Variants in DOK6 observed in about 807,000 individuals in gnomAD.
The protein encoded by DOK6 is docking protein 6.
Under a neutral mutation model 44.0 loss-of-function variants are expected in DOK6, and 22 were observed. The observed-to-expected ratio is 0.50, with a 90% confidence interval of 0.36 to 0.71. The LOEUF (loss-of-function observed/expected upper bound fraction) is 0.71. Ranked by LOEUF, DOK6 falls within the 30% of genes least tolerant of loss-of-function variation. The pLI, the probability that DOK6 is intolerant of heterozygous loss-of-function variation, is 0.00. For missense variants in DOK6, 340 were observed against 416.4 expected, an observed-to-expected ratio of 0.82 and a Z score of 1.60; for synonymous variants, 166 against 145.5, an observed-to-expected ratio of 1.14 and a Z score of -1.01.
chr18:69,510,127 C>T (rs1385640109), intron 1 of DOK6, among the ~76,000 whole-genome samples: 1 of 152,170 alleles, frequency 6.6e-6, no homozygotes, highest in Admixed American at 6.5e-5. Flanking sequence ...ATTTTAAAGT[C>T]ATTTTGGCTA....
At chr18:69,531,542 G>T (rs778746079) in intron 1 of DOK6, among the ~76,000 whole-genome samples, 2 of 151,548 alleles carry the variant, frequency 1.3e-5, no homozygotes, top group African/African-American at 4.8e-5. Context: ...AATGAAGGAC[G>T]TGAACAGCCA....
At chr18:69,675,170 T>C (rs1985891975) in intron 3 of DOK6, among the ~76,000 whole-genome samples, 1 of 152,192 alleles carries the variant, frequency 6.6e-6, no homozygotes, top group African/African-American at 2.4e-5. Context: ...TTACAGAAAT[T>C]CTGCATTTAG....
chr18:69,574,711 C>T (rs1983197495), intron 2 of DOK6, among the ~76,000 whole-genome samples: 1 of 151,968 alleles, frequency 6.6e-6, no homozygotes, highest in Non-Finnish European at 1.5e-5. Flanking sequence ...AAATACCTTA[C>T]TATGAGTTTA....
chr18:69,553,059 A>T (rs1279307460), intron 1 of DOK6, among the ~76,000 whole-genome samples: 3 of 152,248 alleles, frequency 2.0e-5, no homozygotes, highest in Non-Finnish European at 4.4e-5. Flanking sequence ...TAAGATTAGA[A>T]ACCATAATGT....
intron 1 of DOK6, among the ~76,000 whole-genome samples, chr18:69,462,305 A>G (rs1979810514): frequency 6.6e-6 from 1 of 152,158 alleles, no homozygotes; most frequent in Non-Finnish European, 1.5e-5. Flanking sequence ...CTATTCACTA[A>G]CCACTGATTA....
intron 1 of DOK6, among the ~76,000 whole-genome samples, chr18:69,535,202 A>G (rs1982089529): frequency 6.6e-6 from 1 of 152,102 alleles, no homozygotes; most frequent in African/African-American, 2.4e-5. Context: ...TCATTTCCTT[A>G]GATCTTTCAA....
chr18:69,433,962 C>T (rs1209129330), intron 1 of DOK6, among the ~76,000 whole-genome samples: 1 of 152,212 alleles, frequency 6.6e-6, no homozygotes, highest in African/African-American at 2.4e-5. Context: ...CATGTACTAA[C>T]TTTATAGCCT....
At chr18:69,564,397 A>G (rs1982919510) in intron 1 of DOK6, 90 bp from the exon 2 acceptor site, 1 of 1,041,580 alleles carries the variant, frequency 9.6e-7, no homozygotes, top group African/African-American at 1.6e-5. Context: ...TCTCTGAAGT[A>G]CACTTAAAAA....
At chr18:69,809,934 A>C (rs1206374073) in intron 7 of DOK6, among the ~76,000 whole-genome samples, 1 of 151,984 alleles carries the variant, frequency 6.6e-6, no homozygotes, top group Non-Finnish European at 1.5e-5. Context: ...ACTCAATGCC[A>C]TATCTATCAA....
chr18:69,780,382 A>G (rs1440686711), intron 7 of DOK6, among the ~76,000 whole-genome samples: 1 of 152,200 alleles, frequency 6.6e-6, no homozygotes, highest in Admixed American at 6.5e-5. Flanking sequence ...ACTTGAGGTC[A>G]GGAGTTCAAG....
intron 1 of DOK6, among the ~76,000 whole-genome samples, chr18:69,433,170 A>G (rs1020821530): frequency 1.3e-5 from 2 of 152,170 alleles, no homozygotes; most frequent in African/African-American, 4.8e-5. Context: ...TCTATATATT[A>G]ATAAAGTTAT....
intron 1 of DOK6, among the ~76,000 whole-genome samples, chr18:69,542,844 G>A (rs1456984321): frequency 3.3e-5 from 5 of 151,646 alleles, no homozygotes; most frequent in South Asian, 2.1e-4. Context: ...TACACCGAGC[G>A]TGGATTAGTT....
intron 7 of DOK6, among the ~76,000 whole-genome samples, chr18:69,828,886 A>G (rs536633228): frequency 1.2e-4 from 14 of 119,644 alleles, no homozygotes; most frequent in African/African-American, 3.7e-4. Context: ...ATTTATGTGT[A>G]TATATATATA....
At chr18:69,676,604 A>G (rs1158513922) in intron 3 of DOK6, among the ~76,000 whole-genome samples, 1 of 152,200 alleles carries the variant, frequency 6.6e-6, no homozygotes, top group African/African-American at 2.4e-5. Flanking sequence ...TGTATGGAAA[A>G]GTCAGAAACT....
In DOK6 at chr18:69,846,941, A is replaced by C. The variant is rs1043097822; in HGVS notation, c.*5558A>C. 2.0e-5 allele frequency: 3 copies of C among 152,156 alleles called. No homozygotes were observed. The highest frequency in any genetic ancestry group is 2.0e-4 in the Admixed American group (3 of 15,274). 9.4% of individuals were successfully genotyped at this position (152,156 alleles called of 1,614,324 possible). On this transcript the variant is annotated 3_prime_UTR_variant, in exon 8 of 8. Transcript: ENST00000382713. ...TCTTCAGTAGACAATGATTTAAATT[A>C]ACTGAAGTTTAAATAAGAAATATGT...
intron 6 of DOK6, among the ~76,000 whole-genome samples, chr18:69,747,604 C>G (rs187822517): frequency 6.6e-6 from 1 of 150,646 alleles, no homozygotes; most frequent in Non-Finnish European, 1.5e-5. Flanking sequence ...CCCCCTCCCC[C>G]CCACAGAAGA....
intron 4 of DOK6, among the ~76,000 whole-genome samples, chr18:69,691,040 C>T (rs1986253170): frequency 6.6e-6 from 1 of 151,890 alleles, no homozygotes; most frequent in African/African-American, 2.4e-5. Flanking sequence ...CAAACATTAG[C>T]TGGGCATAGT....
chr18:69,587,749 A>G (rs561909424), intron 2 of DOK6, among the ~76,000 whole-genome samples: 19 of 141,040 alleles, frequency 1.3e-4, no homozygotes, highest in South Asian at 4.9e-4. Flanking sequence ...TCAGTGGAGC[A>G]TGTTATTAGA....
At chr18:69,802,468 TA>T (rs888361060) in intron 7 of DOK6, among the ~76,000 whole-genome samples, 1 of 152,174 alleles carries the variant, frequency 6.6e-6, no homozygotes. Flanking sequence ...TTATTAAAAT[TA>T]AAATGCAAGA....
Sources: allele counts gnomAD v4.1 joint callset (sites outside exome capture counted in the v4.1 genomes callset), GRCh38; gene constraint gnomAD v4.1.1; transcripts MANE v1.5; gene names NCBI Gene and HGNC (gene_info 2026-07-23, HGNC 2026-07-21).